NREP: variants seen among roughly 807,000 people sequenced by gnomAD.
NREP encodes neuronal regeneration-related protein.
In NREP, 5 loss-of-function variants were observed where a neutral mutation model predicts 8.6. That is an observed-to-expected ratio of 0.58 (90% CI 0.30 to 1.22). NREP has a LOEUF of 1.22. NREP is among the 50% of genes most tolerant of loss of function. The pLI, the probability that NREP is intolerant of heterozygous loss-of-function variation, is 0.07. For synonymous variants in NREP, 27 were observed against 28.0 expected (o/e 0.96, Z 0.11); for missense variants, 86 against 82.5 (o/e 1.04, Z -0.17).
intron 2 of NREP, among the ~76,000 whole-genome samples, chr5:111,965,519 C>T (rs1485852593): frequency 6.6e-6 from 1 of 152,022 alleles, no homozygotes; most frequent in Non-Finnish European, 1.5e-5. Flanking sequence ...TAATAAACCC[C>T]ATCCCATAAG....
intron 2 of NREP, among the ~76,000 whole-genome samples, chr5:111,935,206 G>A (rs1755649709): frequency 1.3e-5 from 2 of 152,064 alleles, no homozygotes; most frequent in South Asian, 2.1e-4. Context: ...GGAGGGAGGT[G>A]ACAATGGAAA....
At chr5:111,754,113 T>A (rs1750552639) in intron 2 of NREP, among the ~76,000 whole-genome samples, 1 of 152,106 alleles carries the variant, frequency 6.6e-6, no homozygotes, top group South Asian at 2.1e-4. Flanking sequence ...TGAGTAAAAA[T>A]CCTTCCAGGA....
intron 2 of NREP, among the ~76,000 whole-genome samples, chr5:111,822,986 T>C (rs1349630150): frequency 5.3e-5 from 8 of 152,222 alleles, no homozygotes; most frequent in African/African-American, 9.7e-5. Flanking sequence ...AGGTAATTCA[T>C]TGAAAAAAGG....
At chr5:111,861,708 T>C (rs1360707653) in intron 2 of NREP, among the ~76,000 whole-genome samples, 1 of 152,174 alleles carries the variant, frequency 6.6e-6, no homozygotes, top group African/African-American at 2.4e-5. Context: ...CATTTTGCTT[T>C]AGATGTAGGA....
chr5:111,907,964 G>C (rs1339449376), intron 2 of NREP, among the ~76,000 whole-genome samples: 2 of 151,994 alleles, frequency 1.3e-5, no homozygotes, highest in East Asian at 1.9e-4. Context: ...ATACTAATGA[G>C]TATTTGTTTG....
rs574876576 is a variant in NREP, at chr5:111,849,729, C to T, written c.136-114222G>A. Among the ~76,000 whole-genome samples, 14 of 151,202 alleles carry T rather than the reference C, an allele frequency of 9.3e-5. No homozygotes were observed. The South Asian group carries it at 1.5e-3, about 16-fold the overall frequency. Reference sequence around the variant, plus strand: ...AGTAAGAAGTTGAAATTCATCTGGGCACATAGCTGCCCAGCTGAAATATAC... The same window carrying T: ...AGTAAGAAGTTGAAATTCATCTGGGTACATAGCTGCCCAGCTGAAATATAC... On this transcript the variant is annotated intron_variant, in intron 2 of 3. Coordinates refer to the NREP transcript ENST00000395634.
At chr5:111,732,982 C>T (rs543626613) in intron 3 of NREP, 2 of 152,276 alleles carry the variant, frequency 1.3e-5, no homozygotes, top group South Asian at 4.1e-4. Context: ...ATCTCAGTCT[C>T]AGTACTAATC....
intron 2 of NREP, among the ~76,000 whole-genome samples, chr5:111,860,620 A>G (rs1753524388): frequency 6.6e-6 from 1 of 152,100 alleles, no homozygotes; most frequent in Non-Finnish European, 1.5e-5. Context: ...ACCCAAAGGA[A>G]ATTTCTTTGC....
intron 2 of NREP, among the ~76,000 whole-genome samples, chr5:111,816,939 T>G (rs969365876): frequency 6.6e-6 from 1 of 152,042 alleles, no homozygotes. Flanking sequence ...TTGAAGTAAC[T>G]ATACTAATAA....
chr5:111,761,848 G>A (rs1011033141), upstream of NREP, among the ~76,000 whole-genome samples: 7 of 152,160 alleles, frequency 4.6e-5, no homozygotes, highest in East Asian at 1.9e-4. Context: ...CAATCAGACC[G>A]AAGGGAAAGA....
chr5:111,863,345 A>G lies in NREP; in HGVS notation c.135+111929T>C, dbSNP rs145234558. ...AGAAAAAAGATTTGAGTTCTATTTT[A>G]TATGTGCTAAGTGGGATATACCCAT... On this transcript the variant is annotated intron_variant, in intron 2 of 3. Transcript: ENST00000395634. 1.6e-4 allele frequency among the ~76,000 whole-genome samples: 24 copies of G among 152,292 alleles called. No individual in the cohort carries two copies. In the East Asian group the frequency reaches 4.4e-3, roughly 28 times the overall value.
intron 2 of NREP, among the ~76,000 whole-genome samples, chr5:111,881,898 C>T (rs1011459756): frequency 1.5e-4 from 23 of 152,094 alleles, no homozygotes; most frequent in African/African-American, 4.8e-4. Flanking sequence ...AGCAGAAAAA[C>T]TGGAAACTCT....
chr5:111,913,428 G>T (rs1051177247), intron 2 of NREP, among the ~76,000 whole-genome samples: 1 of 152,024 alleles, frequency 6.6e-6, no homozygotes, highest in African/African-American at 2.4e-5. Context: ...AGAAGAAAAA[G>T]AATGACCTTG....
chr5:111,920,024 T>G lies in NREP; in HGVS notation c.135+55250A>C, dbSNP rs546909431. Reference sequence around the variant, plus strand: ...AGTCATATGCATGCTCATATGAAGTTTTCTTCCCTTTTGCAGTGGAATACC... The same window carrying G: ...AGTCATATGCATGCTCATATGAAGTGTTCTTCCCTTTTGCAGTGGAATACC... On this transcript the variant is annotated intron_variant, in intron 2 of 3. Coordinates refer to the NREP transcript ENST00000395634. Among the ~76,000 whole-genome samples, 59 of 146,864 alleles carry G rather than the reference T, an allele frequency of 4.0e-4. 1 individual carries two copies. Among genetic ancestry groups the G allele is most frequent in the African/African-American group, 1.4e-3 (57 of 40,278 alleles).
At chr5:111,756,565 A>T (rs916012924) in intron 1 of NREP, among the ~76,000 whole-genome samples, 2 of 152,170 alleles carry the variant, frequency 1.3e-5, no homozygotes, top group African/African-American at 4.8e-5. Context: ...ACATAAATGC[A>T]CATCAGATTA....
intron 2 of NREP, among the ~76,000 whole-genome samples, chr5:111,836,288 A>T (rs2112942202): frequency 6.6e-6 from 1 of 152,106 alleles, no homozygotes; most frequent in East Asian, 1.9e-4. Context: ...TAGAATAGAA[A>T]GGGAAAGGCA....
rs1750668984 is a variant in NREP at position 111,755,827 on chromosome 5, C to A, written c.-55G>T. ...CTCCCTCTCTTCAGTCCAGGGAGACCAACCTGCAAAATATGTTTAAATACA... is the reference window on the plus strand; with the variant it reads ...CTCCCTCTCTTCAGTCCAGGGAGACAAACCTGCAAAATATGTTTAAATACA... On this transcript the variant is annotated 5_prime_UTR_variant, in exon 2 of 4. Coordinates refer to ENST00000257435, the MANE Select transcript of NREP (RefSeq NM_004772.4). 6 of 1,613,364 alleles carry A rather than the reference C, an allele frequency of 3.7e-6. No homozygotes were observed. In the Admixed American group the frequency reaches 6.7e-5, roughly 18 times the overall value.
chr5:111,854,455 C>T (rs1753381114), intron 2 of NREP, among the ~76,000 whole-genome samples: 1 of 152,160 alleles, frequency 6.6e-6, no homozygotes, highest in Non-Finnish European at 1.5e-5. Flanking sequence ...AGCCCAGGTT[C>T]ACTGAGATGA....
chr5:111,857,266 G>T (rs1343342650), intron 2 of NREP, among the ~76,000 whole-genome samples: 1 of 152,166 alleles, frequency 6.6e-6, no homozygotes, highest in African/African-American at 2.4e-5. Context: ...ATCTGAGCAG[G>T]AAGTAGGTCA....
Sources: gnomAD v4.1 joint callset for allele counts (sites outside exome capture counted in the v4.1 genomes callset) on GRCh38, gnomAD v4.1.1 for gene constraint, MANE v1.5 for transcripts, NCBI Gene and HGNC (gene_info 2026-07-23, HGNC 2026-07-21) for gene names.